The following RBFOX2 variants were observed in gnomAD, a reference collection of about 807,000 sequenced individuals.
RBFOX2 encodes the protein RNA binding fox-1 homolog 2.
In RBFOX2, 10 loss-of-function variants were observed where a neutral mutation model predicts 49.1. The observed-to-expected ratio is 0.20, with a 90% CI of 0.13 to 0.35. The LOEUF (loss-of-function observed/expected upper bound fraction) is 0.35, where lower values mean the gene tolerates loss of function less well. Ranked by LOEUF, RBFOX2 falls within the 10% of genes least tolerant of loss-of-function variation. RBFOX2 has a pLI of 1.00. For missense variants in RBFOX2, 323 were observed against 486.9 expected, an observed-to-expected ratio of 0.66 and a Z score of 3.17; for synonymous variants, 183 against 187.4, an observed-to-expected ratio of 0.98 and a Z score of 0.19.
intron 1 of RBFOX2, among the ~76,000 whole-genome samples, chr22:35,882,817 T>C (rs914771782): frequency 2.0e-5 from 3 of 152,206 alleles, no homozygotes; most frequent in Non-Finnish European, 2.9e-5. Flanking sequence ...TACTTATGAC[T>C]TGTAAGCAAA....
chr22:35,835,019 T>C (rs750061662), intron 1 of RBFOX2, among the ~76,000 whole-genome samples: 1 of 152,222 alleles, frequency 6.6e-6, no homozygotes, highest in Non-Finnish European at 1.5e-5. Context: ...GATGGCAGAA[T>C]GCAGCATTTC....
chr22:35,948,329 ACTT>A (rs1475877862), intron 1 of RBFOX2, among the ~76,000 whole-genome samples: 2 of 152,142 alleles, frequency 1.3e-5, no homozygotes, highest in South Asian at 4.1e-4. Context: ...TTACAAATCC[ACTT>A]TGTTCTTGCA....
chr22:35,845,396 C>CAA (rs200009101), upstream of RBFOX2, among the ~76,000 whole-genome samples: 2 of 128,606 alleles, frequency 1.6e-5, no homozygotes, highest in African/African-American at 2.9e-5. Flanking sequence ...ATTCACCATT[C>CAA]AAAAAAAAAA....
intron 1 of RBFOX2, among the ~76,000 whole-genome samples, chr22:35,872,731 G>A (rs1056459208): frequency 6.6e-6 from 1 of 152,200 alleles, no homozygotes; most frequent in African/African-American, 2.4e-5. Flanking sequence ...CCAGCTGCTT[G>A]TATCTTCTTC....
At chr22:35,781,245 T>C (rs768493559) in intron 3 of RBFOX2, among the ~76,000 whole-genome samples, 2 of 152,230 alleles carry the variant, frequency 1.3e-5, no homozygotes, top group Non-Finnish European at 2.9e-5. Flanking sequence ...AGAATGTGCA[T>C]GTTTGTTCTT....
intron 1 of RBFOX2, among the ~76,000 whole-genome samples, chr22:35,849,520 T>C (rs1241776723): frequency 6.6e-6 from 1 of 152,146 alleles, no homozygotes; most frequent in Non-Finnish European, 1.5e-5. Flanking sequence ...CATTCCACCA[T>C]AAAGCTTCAC....
chr22:35,759,776 T>C lies in RBFOX2; in HGVS notation c.887+112A>G. The C allele has an allele frequency of 7.2e-7, 1 of 1,390,282 alleles. No homozygotes were observed. Among genetic ancestry groups the C allele is most frequent in the Non-Finnish European group, 9.9e-7 (1 of 1,006,636 alleles). The allele number at this position is 1,390,282 out of a possible 1,614,324, so 86.1% of individuals were successfully genotyped here. A position where few individuals can be genotyped will look rare whatever the true frequency, so the allele number is the denominator to read the frequency against. ...TGTTAATTTGCAAATATTCACTGAA[T>C]GCCTACTCTGTGACACGGCAACATC... On this transcript the variant is annotated intron_variant, in intron 9 of 11. Coordinates refer to ENST00000405409, the Ensembl canonical transcript of RBFOX2. This position sits in a 1 kb window ranked among gnomAD's most constrained non-coding sequence, Gnocchi z 4.6.
intron 1 of RBFOX2, among the ~76,000 whole-genome samples, chr22:35,826,882 T>C (rs1384168435): frequency 2.0e-5 from 3 of 152,206 alleles, no homozygotes; most frequent in African/African-American, 7.2e-5. Context: ...GTGGCCTCCT[T>C]CTCGCTCTCT....
At chr22:35,981,480 A>G (rs913409746) in intron 1 of RBFOX2, among the ~76,000 whole-genome samples, 2 of 151,952 alleles carry the variant, frequency 1.3e-5, no homozygotes, top group African/African-American at 4.8e-5. Context: ...TATCTCTACT[A>G]AAAATACAAA....
At chr22:35,837,451 G>C (rs1251638599) in intron 1 of RBFOX2, among the ~76,000 whole-genome samples, 1 of 151,838 alleles carries the variant, frequency 6.6e-6, no homozygotes, top group Non-Finnish European at 1.5e-5. Flanking sequence ...TTATGTGACA[G>C]GTCATTATCA....
At chr22:36,013,372 C>T (rs2058899592) in intron 1 of RBFOX2, among the ~76,000 whole-genome samples, 1 of 152,132 alleles carries the variant, frequency 6.6e-6, no homozygotes, top group African/African-American at 2.4e-5. Context: ...ATGGCTATTA[C>T]ATAATAGAAT....
intron 2 of RBFOX2, among the ~76,000 whole-genome samples, chr22:35,783,039 C>T (rs1294185541): frequency 6.6e-6 from 1 of 152,152 alleles, no homozygotes; most frequent in East Asian, 1.9e-4. Context: ...TTCTTAACTA[C>T]CATAACCCGG....
At chr22:36,022,439 T>G (rs1191466065) in intron 1 of RBFOX2, among the ~76,000 whole-genome samples, 1 of 152,232 alleles carries the variant, frequency 6.6e-6, no homozygotes, top group East Asian at 1.9e-4. Context: ...CAACTCAAGC[T>G]AATCTCTTGA....
intron 1 of RBFOX2, among the ~76,000 whole-genome samples, chr22:35,910,253 A>G (rs192819963): frequency 6.6e-6 from 1 of 152,336 alleles, no homozygotes; most frequent in East Asian, 1.9e-4. Flanking sequence ...TCAATTCATT[A>G]TATTTTGAAA....
At chr22:35,805,214 C>A (rs1013276065) in intron 2 of RBFOX2, among the ~76,000 whole-genome samples, 4 of 144,840 alleles carry the variant, frequency 2.8e-5, no homozygotes, top group African/African-American at 1.0e-4. Flanking sequence ...GGCGTGAACC[C>A]GGGAGGCGGA....
chr22:35,767,947 A>G lies in RBFOX2; in HGVS notation c.546+310T>C, dbSNP rs147954799. On this transcript the variant is annotated intron_variant, in intron 5 of 11. Coordinates refer to ENST00000405409, the Ensembl canonical transcript of RBFOX2. ...AGAGTATTGCAAACTGAAGCAAAGG[A>G]AAAAAATCAAGAGAGCAGAAAGATC... Among the ~76,000 whole-genome samples the G allele has an allele frequency of 6.5e-4, 99 of 152,292 alleles. 1 individual carries two copies. The East Asian group carries it at 0.017, about 26-fold the overall frequency.
chr22:35,943,184 C>T (rs1355129056), upstream of RBFOX2, among the ~76,000 whole-genome samples: 1 of 152,070 alleles, frequency 6.6e-6, no homozygotes, highest in Non-Finnish European at 1.5e-5. Flanking sequence ...TTGTGCCAGT[C>T]GAATAGTGGG....
chr22:36,010,000 A>G (rs1009730877), intron 1 of RBFOX2, among the ~76,000 whole-genome samples: 1 of 152,104 alleles, frequency 6.6e-6, no homozygotes. Context: ...CCTAAAACCC[A>G]TCTCTTCTAA....
chr22:36,024,056 T>G (rs1030108960), intron 1 of RBFOX2, among the ~76,000 whole-genome samples: 4 of 152,238 alleles, frequency 2.6e-5, no homozygotes, highest in African/African-American at 9.6e-5. Flanking sequence ...ATGACCCCAG[T>G]AAATGAACTT....
Sources: allele counts gnomAD v4.1 joint callset (sites outside exome capture counted in the v4.1 genomes callset), GRCh38; gene constraint gnomAD v4.1.1; non-coding constraint Gnocchi (gnomAD v3.1); transcripts MANE v1.5; gene names NCBI Gene and HGNC (gene_info 2026-07-23, HGNC 2026-07-21).